PGR: variants seen among roughly 807,000 people sequenced by gnomAD.
PGR encodes nuclear receptor subfamily 3 group C member 3.
Under a neutral mutation model 76.1 loss-of-function variants are expected in PGR, and 25 were observed. The ratio of observed to expected loss-of-function variants is 0.33; its 90% CI spans 0.24 to 0.46. PGR has a LOEUF of 0.46. Ranked by LOEUF, PGR falls within the 20% of genes least tolerant of loss-of-function variation. The probability of loss-of-function intolerance (pLI) is 1.00; values close to 1 mark genes in which losing one functional copy is unlikely to be tolerated. For missense variants in PGR, 1,172 were observed against 1,225.3 expected, an observed-to-expected ratio of 0.96 and a Z score of 0.65; for synonymous variants, 579 against 535.0, an observed-to-expected ratio of 1.08 and a Z score of -1.14.
intron 3 of PGR, among the ~76,000 whole-genome samples, chr11:101,079,251 G>C (rs1861225760): frequency 6.6e-6 from 1 of 152,080 alleles, no homozygotes. Context: ...CAAGGCATAG[G>C]CAATCAAGGC....
chr11:101,121,445 A>T lies in PGR; in HGVS notation c.1789+4562T>A, dbSNP rs11571162. On this transcript the variant is annotated intron_variant, in intron 2 of 7. Transcript: ENST00000325455. ...CTCTTTCTGATGCTGTATCAAGGAG[A>T]ACTATGCTACCAAACCAGTTTTCAT... Among the ~76,000 whole-genome samples the T allele has an allele frequency of 7.2e-3, 1,101 of 152,318 alleles. 16 individuals carry two copies. Among genetic ancestry groups the T allele is most frequent in the African/African-American group, 0.025 (1,032 of 41,570 alleles).
chr11:101,127,213 A>T, intron 1 of PGR: 1 of 378,222 alleles, frequency 2.6e-6, no homozygotes, highest in Non-Finnish European at 4.7e-6. Flanking sequence ...CGCCCCAAAA[A>T]TAGTATATTC....
chr11:101,093,983 AT>A (rs1174597548), intron 2 of PGR, among the ~76,000 whole-genome samples: 1 of 151,964 alleles, frequency 6.6e-6, no homozygotes, highest in African/African-American at 2.4e-5. Context: ...CTCCTTACCA[AT>A]GGTTTTTGCT....
At chr11:101,119,510 C>T (rs1455466733) in intron 2 of PGR, among the ~76,000 whole-genome samples, 2 of 152,108 alleles carry the variant, frequency 1.3e-5, no homozygotes, top group South Asian at 2.1e-4. Context: ...ATGGTCATCT[C>T]GTCTTTGCAC....
intron 2 of PGR, among the ~76,000 whole-genome samples, chr11:101,103,208 G>A (rs1862049656): frequency 6.6e-6 from 1 of 152,048 alleles, no homozygotes; most frequent in Non-Finnish European, 1.5e-5. Flanking sequence ...ACAAATCGTA[G>A]GCTTGTTCTA....
chr11:101,107,067 TG>T (rs937555227), intron 2 of PGR, among the ~76,000 whole-genome samples: 2 of 151,840 alleles, frequency 1.3e-5, no homozygotes, highest in East Asian at 1.9e-4. Context: ...TGTCAGGGGA[TG>T]GGGGGCTAGG....
At chr11:101,062,384 T>G in intron 4 of PGR, 63 bp downstream of exon 4, 3 of 1,214,964 alleles carry the variant, frequency 2.5e-6, no homozygotes, top group Non-Finnish European at 3.6e-6. Flanking sequence ...TATTTAACAA[T>G]GTACTAATAC....
intron 2 of PGR, among the ~76,000 whole-genome samples, chr11:101,124,752 T>C (rs978264852): frequency 6.6e-6 from 1 of 152,134 alleles, no homozygotes; most frequent in African/African-American, 2.4e-5. Context: ...AAATAAATAA[T>C]GTCAATGGGT....
intron 3 of PGR, among the ~76,000 whole-genome samples, chr11:101,084,370 G>A (rs1861420005): frequency 6.6e-6 from 1 of 152,094 alleles, no homozygotes. Context: ...AAAAGTCACA[G>A]AGTGGGTCCA....
chr11:101,121,889 A>G (rs670872), intron 2 of PGR, among the ~76,000 whole-genome samples: 106,952 of 152,104 alleles, frequency 0.7, 39,454 homozygotes, highest in Non-Finnish European at 0.83. Flanking sequence ...AGGACAGGCC[A>G]GGTGTGGTGG....
chr11:101,093,867 A>G (rs1209312567), intron 2 of PGR, among the ~76,000 whole-genome samples: 1 of 152,224 alleles, frequency 6.6e-6, no homozygotes, highest in African/African-American at 2.4e-5. Flanking sequence ...TACGCAGGAA[A>G]AAGGTCTGAT....
chr11:101,030,898 G>C lies in PGR; in HGVS notation c.*8218C>G, dbSNP rs1859330033. Reference sequence around the variant, plus strand: ...CATGATTCAGAAGAAGGAAGATGTAGGGCAAAGAGGACAAATGCCTACATT... The same window carrying C: ...CATGATTCAGAAGAAGGAAGATGTACGGCAAAGAGGACAAATGCCTACATT... On this transcript the variant is annotated 3_prime_UTR_variant, in exon 8 of 8. Transcript: ENST00000325455. 5.2e-6 allele frequency: 1 copy of C among 191,084 alleles called. No individual in the cohort carries two copies. Among genetic ancestry groups the C allele is most frequent in the African/African-American group, 2.3e-5 (1 of 42,978 alleles). The allele number at this position is 191,084 out of a possible 1,614,324, so 11.8% of individuals were successfully genotyped here.
chr11:101,093,770 A>G (rs1861752620), intron 2 of PGR, among the ~76,000 whole-genome samples: 1 of 152,178 alleles, frequency 6.6e-6, no homozygotes, highest in South Asian at 2.1e-4. Context: ...GGTTTTCTCT[A>G]TACAGAAAAC....
chr11:101,123,933 A>G (rs1482183585), intron 2 of PGR, among the ~76,000 whole-genome samples: 1 of 152,218 alleles, frequency 6.6e-6, no homozygotes, highest in Non-Finnish European at 1.5e-5. Context: ...CTTCTTTTAC[A>G]TACTTTACAA....
At chr11:101,074,362 C>T (rs552653287) in intron 3 of PGR, among the ~76,000 whole-genome samples, 10 of 152,214 alleles carry the variant, frequency 6.6e-5, no homozygotes, top group South Asian at 2.1e-4. Context: ...AAACCCACAG[C>T]GAATATCATA....
chr11:101,088,627 C>T (rs367577818), intron 3 of PGR, among the ~76,000 whole-genome samples: 119 of 152,206 alleles, frequency 7.8e-4, no homozygotes, highest in African/African-American at 2.7e-3. Flanking sequence ...CCACCGCTCC[C>T]GGCCCTCAAA....
At chr11:101,103,949 A>G (rs577451688) in intron 2 of PGR, among the ~76,000 whole-genome samples, 9 of 152,326 alleles carry the variant, frequency 5.9e-5, no homozygotes, top group African/African-American at 2.2e-4. Context: ...TCTTGGCACT[A>G]CATTATCCTC....
intron 6 of PGR, among the ~76,000 whole-genome samples, chr11:101,048,135 G>C (rs921461841): frequency 3.9e-5 from 6 of 152,310 alleles, no homozygotes; most frequent in South Asian, 4.1e-4. Flanking sequence ...GCTAGAAGGA[G>C]CCTGGGTGTT....
At chr11:101,106,017 T>C (rs1233175123) in intron 2 of PGR, among the ~76,000 whole-genome samples, 3 of 152,206 alleles carry the variant, frequency 2.0e-5, no homozygotes, top group African/African-American at 7.2e-5. Flanking sequence ...GAAAACTGGC[T>C]AGCCATAAGC....
Sources: allele counts gnomAD v4.1 joint callset (sites outside exome capture counted in the v4.1 genomes callset), GRCh38; gene constraint gnomAD v4.1.1; transcripts MANE v1.5; gene names NCBI Gene and HGNC (gene_info 2026-07-23, HGNC 2026-07-21).